Variants in OSBPL6 observed in about 807,000 individuals in gnomAD.
OSBPL6 encodes the protein oxysterol binding protein like 6, also known as oxysterol-binding protein-related protein 6.
A neutral mutation model predicts 125.8 loss-of-function variants in OSBPL6; 49 were observed. The observed-to-expected ratio is 0.39, with a 90% confidence interval of 0.31 to 0.49. The LOEUF is 0.49. Among genes scored for constraint, OSBPL6 ranks in the 20% least tolerant of loss-of-function variants. The pLI, the probability that OSBPL6 is intolerant of heterozygous loss-of-function variation, is 0.88. For missense variants in OSBPL6, 986 were observed against 1,135.4 expected (o/e 0.87, Z 1.89); for synonymous variants, 394 against 391.8 (o/e 1.01, Z -0.07).
chr2:178,204,457 TC>T (rs2153942363), intron 1 of OSBPL6, among the ~76,000 whole-genome samples: 1 of 152,270 alleles, frequency 6.6e-6, no homozygotes, highest in Admixed American at 6.5e-5. Context: ...GGGCCTGGGT[TC>T]CCCCTCCCTG....
At chr2:178,250,757 G>A (rs544796365) in intron 1 of OSBPL6, among the ~76,000 whole-genome samples, 1 of 152,146 alleles carries the variant, frequency 6.6e-6, no homozygotes, top group Admixed American at 6.5e-5. Context: ...CACTATAAAT[G>A]AGGACTTCCC....
intron 3 of OSBPL6, among the ~76,000 whole-genome samples, chr2:178,312,319 CT>C (rs961916227): frequency 1.3e-5 from 2 of 149,378 alleles, no homozygotes; most frequent in Non-Finnish European, 3.0e-5. Context: ...ACCACCACGC[CT>C]GGCTAACTTT....
intron 2 of OSBPL6, among the ~76,000 whole-genome samples, chr2:178,288,711 C>T (rs532017502): frequency 7.9e-5 from 12 of 151,266 alleles, no homozygotes; most frequent in East Asian, 5.8e-4. Context: ...TGCAGTGGCG[C>T]GATCTCAGCT....
intron 1 of OSBPL6, among the ~76,000 whole-genome samples, chr2:178,195,525 C>T (rs566750710): frequency 6.6e-6 from 1 of 152,368 alleles, no homozygotes; most frequent in South Asian, 2.1e-4. Flanking sequence ...GACACATCTG[C>T]AAGGCACCTT....
intron 12 of OSBPL6, among the ~76,000 whole-genome samples, chr2:178,351,277 C>A (rs996345056): frequency 6.6e-6 from 1 of 151,810 alleles, no homozygotes; most frequent in Non-Finnish European, 1.5e-5. Flanking sequence ...TAAAAGGTAT[C>A]CAAATAAGAA....
intron 1 of OSBPL6, among the ~76,000 whole-genome samples, chr2:178,251,522 C>T (rs969690940): frequency 3.3e-5 from 5 of 151,954 alleles, no homozygotes; most frequent in African/African-American, 1.2e-4. Flanking sequence ...TGCTTGATTA[C>T]TGTAGAAGGG....
intron 1 of OSBPL6, among the ~76,000 whole-genome samples, chr2:178,257,758 A>T (rs2091930773): frequency 6.6e-6 from 1 of 151,974 alleles, no homozygotes; most frequent in Non-Finnish European, 1.5e-5. Context: ...TAAATGGTGG[A>T]GAGGGAACTA....
chr2:178,251,839 A>T (rs1462306250), intron 1 of OSBPL6, among the ~76,000 whole-genome samples: 1 of 152,256 alleles, frequency 6.6e-6, no homozygotes, highest in Admixed American at 6.5e-5. Context: ...TGGTGGCAGC[A>T]GCAATCCTGC....
At chr2:178,323,267 A>G (rs1688402102) in intron 3 of OSBPL6, among the ~76,000 whole-genome samples, 2 of 152,240 alleles carry the variant, frequency 1.3e-5, no homozygotes. Context: ...AAGTTAGAAC[A>G]TCTTTTCAAA....
At chr2:178,237,371 C>G (rs1361288039) in intron 1 of OSBPL6, among the ~76,000 whole-genome samples, 1 of 135,298 alleles carries the variant, frequency 7.4e-6, no homozygotes, top group Admixed American at 7.2e-5. Context: ...GTTTTTGTCT[C>G]AAATTCTCTG....
intron 1 of OSBPL6, among the ~76,000 whole-genome samples, chr2:178,195,876 T>C (rs929925422): frequency 6.6e-6 from 1 of 152,212 alleles, no homozygotes; most frequent in African/African-American, 2.4e-5. Flanking sequence ...AATGGTTACA[T>C]ATCACTAAGC....
chr2:178,333,115 G>T (rs563416919), intron 8 of OSBPL6, 74 bp downstream of exon 8: 2 of 1,518,382 alleles, frequency 1.3e-6, no homozygotes, highest in African/African-American at 2.8e-5. Context: ...AGGCACTGTG[G>T]CTCACGTGTG....
At chr2:178,354,612 G>A (rs1476617512) in intron 12 of OSBPL6, among the ~76,000 whole-genome samples, 1 of 152,148 alleles carries the variant, frequency 6.6e-6, no homozygotes, top group African/African-American at 2.4e-5. Flanking sequence ...CCTACAAGGA[G>A]ATTTAGACTC....
At chr2:178,313,536 T>C (rs1687479293) in intron 3 of OSBPL6, among the ~76,000 whole-genome samples, 1 of 152,104 alleles carries the variant, frequency 6.6e-6, no homozygotes, top group African/African-American at 2.4e-5. Flanking sequence ...GCCCTCGTAA[T>C]GACTCAAAGT....
intron 9 of OSBPL6, among the ~76,000 whole-genome samples, chr2:178,337,158 GAGAA>G (rs1361390412): frequency 3.3e-5 from 5 of 151,904 alleles, no homozygotes; most frequent in Admixed American, 6.6e-5. Context: ...CTTCAAAACC[GAGAA>G]AAACAAGGGC....
At chr2:178,258,950 C>T (rs2091971392) in intron 1 of OSBPL6, among the ~76,000 whole-genome samples, 1 of 152,144 alleles carries the variant, frequency 6.6e-6, no homozygotes, top group Admixed American at 6.6e-5. Flanking sequence ...CTCATAGTTA[C>T]AGAAAGATAA....
chr2:178,359,989 A>T (rs1235581301), intron 12 of OSBPL6, among the ~76,000 whole-genome samples: 1 of 152,138 alleles, frequency 6.6e-6, no homozygotes, highest in Non-Finnish European at 1.5e-5. Flanking sequence ...TAAGAGGCTG[A>T]TGCACGAGAA....
At position 178,251,381 on chromosome 2, in the gene OSBPL6, C is replaced by T. The variant is rs115739852; in HGVS notation, c.-350-33546C>T. Among the ~76,000 whole-genome samples, 346 of 150,482 alleles carry T rather than the reference C, an allele frequency of 2.3e-3. 2 individuals are homozygous for T. The highest frequency in any genetic ancestry group is 8.2e-3 in the African/African-American group (334 of 40,946). On this transcript the variant is annotated intron_variant, in intron 1 of 24. Coordinates refer to ENST00000190611, the MANE Select transcript of OSBPL6 (RefSeq NM_032523.4). ...GGTTCTTTTTTTTTTTTTTCCTTCC[C>T]GCTCCTCTCAACTAGAAGAATATCA...
intron 2 of OSBPL6, among the ~76,000 whole-genome samples, chr2:178,287,165 A>AC (rs1559203467): frequency 3.3e-4 from 50 of 150,578 alleles, no homozygotes; most frequent in African/African-American, 1.2e-3. Context: ...AAAAAAAAAA[A>AC]AAAACAAATT....
Sources: allele counts gnomAD v4.1 joint callset (sites outside exome capture counted in the v4.1 genomes callset), GRCh38; gene constraint gnomAD v4.1.1; transcripts MANE v1.5; gene names NCBI Gene and HGNC (gene_info 2026-07-23, HGNC 2026-07-21).